The following TMC7 variants were observed in gnomAD, a reference collection of about 807,000 sequenced individuals.
TMC7 encodes the protein transmembrane channel-like protein 7.
A neutral mutation model predicts 82.9 loss-of-function variants in TMC7; 54 were observed. That is an observed-to-expected ratio of 0.65 (90% CI 0.52 to 0.82). TMC7 has a LOEUF of 0.82. Ranked by LOEUF, TMC7 falls within the 40% of genes least tolerant of loss-of-function variation. TMC7 has a pLI of 0.00. For synonymous variants in TMC7, 350 were observed against 337.9 expected (o/e 1.04, Z -0.39); for missense variants, 820 against 901.2 (o/e 0.91, Z 1.15).
intron 1 of TMC7, among the ~76,000 whole-genome samples, chr16:19,005,104 T>C (rs1181966655): frequency 7.1e-6 from 1 of 141,516 alleles, no homozygotes; most frequent in Admixed American, 7.1e-5. Context: ...TTATTTATTT[T>C]CTGAGACGGA....
At chr16:18,994,929 G>A (rs1261137158) in intron 1 of TMC7, among the ~76,000 whole-genome samples, 2 of 152,076 alleles carry the variant, frequency 1.3e-5, no homozygotes, top group African/African-American at 4.8e-5. Context: ...GATGGTAAGG[G>A]GTGCATGATC....
At chr16:19,006,886 G>A (rs1457996832) in intron 1 of TMC7, among the ~76,000 whole-genome samples, 1 of 152,146 alleles carries the variant, frequency 6.6e-6, no homozygotes, top group African/African-American at 2.4e-5. Flanking sequence ...GTCCAATTTC[G>A]GCTCACTGCA....
chr16:19,007,363 A>G (rs576713363), intron 1 of TMC7, among the ~76,000 whole-genome samples: 1 of 152,276 alleles, frequency 6.6e-6, no homozygotes, highest in South Asian at 2.1e-4. Flanking sequence ...TAAAGCAAGC[A>G]CAGGTCCTGT....
At chr16:19,035,612 C>G in intron 6 of TMC7, 64 bp from the exon 7 acceptor site, 1 of 1,601,140 alleles carries the variant, frequency 6.2e-7, no homozygotes, top group Non-Finnish European at 8.6e-7. Context: ...TCAGACACAG[C>G]CAATTCAGGG....
intron 2 of TMC7, among the ~76,000 whole-genome samples, chr16:19,009,768 C>T (rs1456207943): frequency 2.6e-5 from 4 of 151,692 alleles, no homozygotes; most frequent in African/African-American, 9.7e-5. Context: ...GGTGAAACCT[C>T]GTCTCTACTA....
At chr16:19,004,859 G>A (rs2039208320) in intron 1 of TMC7, among the ~76,000 whole-genome samples, 1 of 150,782 alleles carries the variant, frequency 6.6e-6, no homozygotes, top group African/African-American at 2.4e-5. Context: ...TAATTCTTTT[G>A]TTTGTCTTTT....
intron 1 of TMC7, among the ~76,000 whole-genome samples, chr16:18,993,462 T>C (rs940848848): frequency 5.3e-5 from 8 of 151,976 alleles, no homozygotes; most frequent in African/African-American, 1.9e-4. Flanking sequence ...TGGGAAGAGA[T>C]TGATAGGTGG....
chr16:19,017,921 C>T (rs1273417473), intron 3 of TMC7, among the ~76,000 whole-genome samples: 12 of 152,272 alleles, frequency 7.9e-5, no homozygotes, highest in East Asian at 1.9e-4. Context: ...CCGCCCTTCT[C>T]GGCCTCCCAA....
intron 12 of TMC7, among the ~76,000 whole-genome samples, chr16:19,050,366 CAAAAAAAAAAAA>C (rs71143824): frequency 7.2e-5 from 6 of 83,048 alleles, no homozygotes; most frequent in Non-Finnish European, 1.3e-4. Flanking sequence ...GATTCCGTCT[CAAAAAAAAAAAA>C]AAAAAAAAAA....
chr16:19,024,191 G>A (rs1244027981), intron 5 of TMC7, among the ~76,000 whole-genome samples: 3 of 152,192 alleles, frequency 2.0e-5, no homozygotes, highest in Non-Finnish European at 4.4e-5. Context: ...AACACTTTGA[G>A]AGGCCGAGGC....
In TMC7 at chr16:19,020,532, T is replaced by C. The variant is rs180716395; in HGVS notation, c.461-1097T>C. On this transcript the variant is annotated intron_variant, in intron 3 of 15. Transcript: ENST00000304381. ...TTTCCATGTACCAACAACAAACATT[T>C]AGAAAGTGAAATTTTTTAAATGATA... Among the ~76,000 whole-genome samples, 980 of 151,988 alleles carry C rather than the reference T, an allele frequency of 6.4e-3. 15 individuals carry two copies. The highest frequency in any genetic ancestry group is 0.023 in the African/African-American group (929 of 41,258).
intron 3 of TMC7, among the ~76,000 whole-genome samples, chr16:19,021,057 AT>A (rs891229259): frequency 2.6e-5 from 4 of 152,158 alleles, no homozygotes; most frequent in African/African-American, 9.6e-5. Context: ...ATTGACCTGT[AT>A]ATTTTATGTA....
intron 6 of TMC7, among the ~76,000 whole-genome samples, chr16:19,031,283 TG>T (rs1960505216): frequency 6.6e-6 from 1 of 152,104 alleles, no homozygotes; most frequent in Non-Finnish European, 1.5e-5. Flanking sequence ...ACCGTTGCCA[TG>T]GGGAGCAGTG....
chr16:19,015,409 G>A (rs1959633204), intron 2 of TMC7, among the ~76,000 whole-genome samples: 1 of 151,994 alleles, frequency 6.6e-6, no homozygotes, highest in South Asian at 2.1e-4. Flanking sequence ...TTACAGGCAT[G>A]AGCCACTGTG....
chr16:19,003,070 C>T (rs1167595242), intron 1 of TMC7, among the ~76,000 whole-genome samples: 1 of 152,208 alleles, frequency 6.6e-6, no homozygotes, highest in Non-Finnish European at 1.5e-5. Flanking sequence ...GTGGCTTATG[C>T]CTGTAATCCC....
At chr16:18,992,023 T>C (rs2038960794) in intron 1 of TMC7, among the ~76,000 whole-genome samples, 1 of 152,232 alleles carries the variant, frequency 6.6e-6, no homozygotes, top group South Asian at 2.1e-4. Context: ...TGGTTCTAAG[T>C]CTTTGCTATC....
At chr16:19,050,314 C>CCGAGAT (rs1462659736) in intron 12 of TMC7, among the ~76,000 whole-genome samples, 14 of 124,484 alleles carry the variant, frequency 1.1e-4, no homozygotes, top group South Asian at 8.1e-4. Flanking sequence ...TTGCAGTGAG[C>CCGAGAT]CGAGATCGCG....
chr16:19,048,004 T>G (rs1308747548), intron 12 of TMC7, among the ~76,000 whole-genome samples: 1 of 152,146 alleles, frequency 6.6e-6, no homozygotes, highest in South Asian at 2.1e-4. Flanking sequence ...CGGCCTACTC[T>G]TGATGAATTT....
chr16:19,000,324 G>A (rs538330251), intron 1 of TMC7, among the ~76,000 whole-genome samples: 7 of 151,844 alleles, frequency 4.6e-5, no homozygotes, highest in Non-Finnish European at 5.9e-5. Flanking sequence ...AAAATTAGCC[G>A]GGCGTGGTGG....
Sources: gnomAD v4.1 joint callset for allele counts (sites outside exome capture counted in the v4.1 genomes callset) on GRCh38, gnomAD v4.1.1 for gene constraint, MANE v1.5 for transcripts, NCBI Gene and HGNC (gene_info 2026-07-23, HGNC 2026-07-21) for gene names.